Variants in NRXN1 observed in about 807,000 individuals in gnomAD.
NRXN1 encodes the protein neurexin 1.
In NRXN1, 39 loss-of-function variants were observed where a neutral mutation model predicts 150.9. The ratio of observed to expected loss-of-function variants is 0.26; its 90% CI spans 0.20 to 0.34. NRXN1 has a LOEUF of 0.34. Ranked by LOEUF, NRXN1 falls within the 10% of genes least tolerant of loss-of-function variation. The pLI is 1.00. For synonymous variants in NRXN1, 924 were observed against 757.0 expected (o/e 1.22, Z -3.62); for missense variants, 1,815 against 1,949.9 (o/e 0.93, Z 1.30).
At chr2:50,013,156 T>G (rs1003816893) in intron 21 of NRXN1, among the ~76,000 whole-genome samples, 1 of 152,166 alleles carries the variant, frequency 6.6e-6, no homozygotes, top group African/African-American at 2.4e-5. Flanking sequence ...TTTCATTGGT[T>G]ATCTTTTATA....
At chr2:50,916,741 T>C (rs1315640817) in intron 5 of NRXN1, 1 of 151,662 alleles carries the variant, frequency 6.6e-6, no homozygotes, top group South Asian at 2.1e-4. Flanking sequence ...GTTTAGATGA[T>C]CAGTTTTTCA....
chr2:50,530,014 C>T (rs1354545979), intron 11 of NRXN1, among the ~76,000 whole-genome samples: 1 of 152,124 alleles, frequency 6.6e-6, no homozygotes, highest in African/African-American at 2.4e-5. Context: ...TCCACAAATG[C>T]CTTGCCTCAT....
intron 21 of NRXN1, among the ~76,000 whole-genome samples, chr2:49,982,727 C>T (rs1680180528): frequency 6.6e-6 from 1 of 152,054 alleles, no homozygotes; most frequent in South Asian, 2.1e-4. Flanking sequence ...TTGTAATGTA[C>T]ATACCTATTC....
rs986306058 is a variant in NRXN1 at position 50,997,001 on chromosome 2, A to G, written c.772+30501T>C. Among the ~76,000 whole-genome samples the G allele has an allele frequency of 1.9e-4, 29 of 151,946 alleles. 1 individual carries two copies. Among genetic ancestry groups the G allele is most frequent in the African/African-American group, 5.8e-4 (24 of 41,392 alleles). On this transcript the variant is annotated intron_variant, in intron 2 of 22. Coordinates refer to ENST00000401669, the MANE Select transcript of NRXN1 (RefSeq NM_001330078.2). ...GTAAGGAGAAATATGAGTCAATGAC[A>G]ATTTTTACTTTTTTTTCAATGGATC...
chr2:50,182,710 C>T (rs1172926027), intron 18 of NRXN1, among the ~76,000 whole-genome samples: 1 of 151,976 alleles, frequency 6.6e-6, no homozygotes, highest in East Asian at 1.9e-4. Context: ...GAATATTATA[C>T]AGGGAGATAC....
chr2:50,546,022 A>T (rs1242361092), intron 9 of NRXN1, among the ~76,000 whole-genome samples: 2 of 152,240 alleles, frequency 1.3e-5, no homozygotes, highest in African/African-American at 4.8e-5. Context: ...AATTATTTTC[A>T]ATCCATAGTT....
At chr2:50,539,640 A>G (rs2093346368) in intron 9 of NRXN1, among the ~76,000 whole-genome samples, 2 of 152,256 alleles carry the variant, frequency 1.3e-5, no homozygotes, top group Admixed American at 6.5e-5. Flanking sequence ...AAATGCAACC[A>G]TGATACCTGA....
intron 17 of NRXN1, among the ~76,000 whole-genome samples, chr2:50,369,454 G>C (rs900832662): frequency 2.0e-5 from 3 of 151,890 alleles, no homozygotes; most frequent in African/African-American, 7.3e-5. Context: ...CACATGGATT[G>C]ATCTTACAGG....
chr2:50,834,987 T>C (rs1671912077), intron 5 of NRXN1, among the ~76,000 whole-genome samples: 1 of 152,174 alleles, frequency 6.6e-6, no homozygotes, highest in Non-Finnish European at 1.5e-5. Flanking sequence ...ACTATTAGAT[T>C]TGTCTTCTTT....
intron 5 of NRXN1, among the ~76,000 whole-genome samples, chr2:50,795,029 C>A (rs1172943348): frequency 1.3e-5 from 2 of 152,100 alleles, no homozygotes; most frequent in Non-Finnish European, 2.9e-5. Flanking sequence ...GTTTACATTT[C>A]CCTACCTATC....
intron 18 of NRXN1, among the ~76,000 whole-genome samples, chr2:50,190,185 T>C (rs898609747): frequency 2.0e-5 from 3 of 152,174 alleles, no homozygotes; most frequent in African/African-American, 7.2e-5. Context: ...TCTCCAATTA[T>C]CACAGGAAAG....
At chr2:50,626,313 A>T (rs921330488) in intron 5 of NRXN1, among the ~76,000 whole-genome samples, 11 of 151,942 alleles carry the variant, frequency 7.2e-5, no homozygotes, top group African/African-American at 2.7e-4. Context: ...TATGAGAAAA[A>T]AAAAGAGTCC....
chr2:50,372,248 G>C (rs1231285270), intron 17 of NRXN1, among the ~76,000 whole-genome samples: 1 of 152,016 alleles, frequency 6.6e-6, no homozygotes, highest in African/African-American at 2.4e-5. Context: ...TGTTCTACTT[G>C]TGATCTGACT....
chr2:50,652,547 C>T (rs889030135), intron 5 of NRXN1, among the ~76,000 whole-genome samples: 2 of 152,076 alleles, frequency 1.3e-5, no homozygotes, highest in East Asian at 3.9e-4. Flanking sequence ...GAACACAATA[C>T]TATTCCACTG....
chr2:50,665,450 C>T (rs1252177928), intron 5 of NRXN1, among the ~76,000 whole-genome samples: 1 of 151,756 alleles, frequency 6.6e-6, no homozygotes, highest in South Asian at 2.1e-4. Flanking sequence ...TTCTGAAATT[C>T]CCCTACTAGA....
chr2:50,516,084 A>T (rs1007794431), intron 12 of NRXN1, among the ~76,000 whole-genome samples: 9 of 152,034 alleles, frequency 5.9e-5, no homozygotes, highest in Non-Finnish European at 2.9e-5. Flanking sequence ...GTTTGTTTTA[A>T]TTTTTCACAA....
intron 8 of NRXN1, among the ~76,000 whole-genome samples, chr2:50,583,548 T>C (rs1573645887): frequency 6.6e-6 from 1 of 152,290 alleles, no homozygotes; most frequent in East Asian, 1.9e-4. Context: ...AGAGACTACA[T>C]CATGTTAATT....
At chr2:51,002,188 CTT>C (rs1385213919) in intron 2 of NRXN1, among the ~76,000 whole-genome samples, 2 of 152,088 alleles carry the variant, frequency 1.3e-5, no homozygotes, top group African/African-American at 2.4e-5. Context: ...ATGCTTTTCT[CTT>C]GTTTATTAGC....
rs544465610 is a variant in NRXN1, at chr2:50,191,417, T to C, written c.3546+45372A>G. On this transcript the variant is annotated intron_variant, in intron 18 of 22. Coordinates refer to ENST00000401669, the MANE Select transcript of NRXN1 (RefSeq NM_001330078.2). ...GAAATTGACTTTGGTCTAGAGATTA[T>C]TCCGACTTCACTGGTTTTATATGTA... Among the ~76,000 whole-genome samples, 7 of 152,300 alleles carry C rather than the reference T, an allele frequency of 4.6e-5. No homozygotes were observed. The South Asian group carries it at 8.3e-4, about 18-fold the overall frequency.
Sources: allele counts gnomAD v4.1 joint callset (sites outside exome capture counted in the v4.1 genomes callset), GRCh38; gene constraint gnomAD v4.1.1; transcripts MANE v1.5; gene names NCBI Gene and HGNC (gene_info 2026-07-23, HGNC 2026-07-21).